TAF1: variants seen among roughly 807,000 people sequenced by gnomAD.
TAF1 encodes the protein transcription initiation factor TFIID subunit 1.
In TAF1, 2 loss-of-function variants were observed where a neutral mutation model predicts 138.5. That is an observed-to-expected ratio of 0.01 (90% CI 0.01 to 0.05). TAF1 has a LOEUF of 0.05. TAF1 is among the 10% of genes least tolerant of loss of function. The probability of loss-of-function intolerance (pLI) is 1.00; values close to 1 mark genes in which losing one functional copy is unlikely to be tolerated. For missense variants in TAF1, 709 were observed against 1,478.0 expected (o/e 0.48, Z 8.53); for synonymous variants, 437 against 503.2 (o/e 0.87, Z 1.76).
chrX:71,378,693 C>T (rs780273252), intron 7 of TAF1, 131 bp from the exon 8 acceptor site: 19 of 741,819 alleles, frequency 2.6e-5, no homozygotes, highest in South Asian at 2.1e-4. Flanking sequence ...AATATTCCTC[C>T]GTTATCAGGT....
At chrX:71,417,265 C>T (rs1314468971) in intron 28 of TAF1, among the ~76,000 whole-genome samples, 1 of 110,350 alleles carries the variant, frequency 9.1e-6, no homozygotes, top group East Asian at 2.8e-4. Flanking sequence ...TGAGCCACCT[C>T]GGGACTCTGC....
At chrX:71,387,637 A>G (rs1334420486) in intron 15 of TAF1, among the ~76,000 whole-genome samples, 176 bp downstream of exon 15, 2 of 111,670 alleles carry the variant, frequency 1.8e-5, no homozygotes, top group Non-Finnish European at 3.8e-5. Flanking sequence ...TGTCTCTACT[A>G]AAAATACAAA....
chrX:71,515,860 TA>T (rs773614311), intron 13 of TAF1, among the ~76,000 whole-genome samples: 24 of 111,279 alleles, frequency 2.2e-4, no homozygotes, highest in Admixed American at 2.9e-4. Context: ...TTTTAAGAAA[TA>T]AAGATTATCT....
At chrX:71,401,249 GT>G (rs1446485577) in intron 24 of TAF1, among the ~76,000 whole-genome samples, 1 of 111,380 alleles carries the variant, frequency 9.0e-6, no homozygotes, top group Non-Finnish European at 1.9e-5. Flanking sequence ...AGCTGACTTT[GT>G]TTTTCCCATC....
chrX:71,439,080 ACT>A (rs1044981705), intron 32 of TAF1, among the ~76,000 whole-genome samples: 2 of 111,400 alleles, frequency 1.8e-5, no homozygotes, highest in African/African-American at 6.5e-5. Context: ...TTTCCTGATG[ACT>A]CTATTGTAGA....
intron 13 of TAF1, among the ~76,000 whole-genome samples, chrX:71,472,768 G>A (rs1453053119): frequency 8.9e-6 from 1 of 111,854 alleles, no homozygotes; most frequent in African/African-American, 3.2e-5. Context: ...AGTTATCTAT[G>A]TAAAACACAG....
At chrX:71,406,213 C>T (rs928184506) in intron 25 of TAF1, among the ~76,000 whole-genome samples, 7 of 108,495 alleles carry the variant, frequency 6.5e-5, no homozygotes, top group Non-Finnish European at 1.3e-4. Flanking sequence ...TCTGTAATCC[C>T]AGCTACTTGG....
chrX:71,458,385 C>T lies in TAF1; in HGVS notation c.5064+19C>T. 1 of 1,206,651 alleles carries T rather than the reference C, an allele frequency of 8.3e-7. No homozygotes were observed. Among genetic ancestry groups the T allele is most frequent in the Non-Finnish European group, 1.1e-6 (1 of 893,029 alleles). The stretch of plus-strand genomic sequence containing the variant: ...AACACAGGTAGGATGTTCTTTTTCT[C>T]TTTATAAGATTGTTATTGTGCCTGC... On this transcript the variant is annotated intron_variant, in intron 35 of 37. Coordinates refer to ENST00000423759, the MANE Select transcript of TAF1 (RefSeq NM_004606.5).
intron 13 of TAF1, among the ~76,000 whole-genome samples, chrX:71,526,721 T>C (rs977613511): frequency 9.0e-6 from 1 of 110,881 alleles, no homozygotes; most frequent in Non-Finnish European, 1.9e-5. Context: ...ATCACATACG[T>C]ATGTCTCTTC....
chrX:71,526,583 A>G (rs1474247531), intron 13 of TAF1, among the ~76,000 whole-genome samples: 1 of 112,245 alleles, frequency 8.9e-6, no homozygotes, highest in Non-Finnish European at 1.9e-5. Flanking sequence ...ACGATGTTCT[A>G]AAAGATATGT....
chrX:71,464,911 AATTTTG>A lies in TAF1; in HGVS notation c.*867_*872del, dbSNP rs2038698547. On this transcript the variant is annotated 3_prime_UTR_variant, in exon 38 of 38. Coordinates refer to ENST00000423759, the MANE Select transcript of TAF1 (RefSeq NM_004606.5). ...AATGGATTGGAGGCAAATTACCGTA[AATTTTG>A]AAACAGCCTATATGTCAGAAATGAT... The A allele has an allele frequency of 9.0e-6, 1 of 111,270 alleles. No individual in the cohort carries two copies. Among genetic ancestry groups the A allele is most frequent in the Non-Finnish European group, 1.9e-5 (1 of 53,096 alleles). 9.2% of individuals were successfully genotyped at this position (111,270 alleles called of 1,213,427 possible).
intron 18 of TAF1, among the ~76,000 whole-genome samples, chrX:71,392,196 A>T (rs920295268): frequency 5.4e-5 from 6 of 112,059 alleles, no homozygotes; most frequent in Admixed American, 1.9e-4. Flanking sequence ...AAATGTAGTC[A>T]TTAGTCTAAT....
chrX:71,511,232 G>A (rs926065695), intron 13 of TAF1, among the ~76,000 whole-genome samples: 24 of 112,378 alleles, frequency 2.1e-4, no homozygotes, highest in Admixed American at 3.8e-4. Context: ...GATGATATCT[G>A]TAGTAGCCAT....
chrX:71,459,451 A>C, intron 35 of TAF1, 101 bp from the exon 36 acceptor site: 1 of 602,923 alleles, frequency 1.7e-6, no homozygotes, highest in South Asian at 4.1e-5. Flanking sequence ...CAGCAAGTGG[A>C]GGGATGGGCG....
At chrX:71,518,213 A>C (rs1362143753) in intron 13 of TAF1, among the ~76,000 whole-genome samples, 1 of 112,396 alleles carries the variant, frequency 8.9e-6, no homozygotes, top group Non-Finnish European at 1.9e-5. Context: ...TCTATTGCCC[A>C]GGCTGGAGTG....
At chrX:71,445,885 A>G (rs1462240729) in intron 32 of TAF1, among the ~76,000 whole-genome samples, 1 of 110,103 alleles carries the variant, frequency 9.1e-6, no homozygotes, top group Non-Finnish European at 1.9e-5. Flanking sequence ...AAGTATTTCC[A>G]TAATGCTGGC....
At chrX:71,369,569 C>G (rs1216127791) in intron 3 of TAF1, among the ~76,000 whole-genome samples, 3 of 108,419 alleles carry the variant, frequency 2.8e-5, no homozygotes, top group African/African-American at 1.0e-4. Context: ...TGTTTGAGCA[C>G]TTGTTATGTA....
chrX:71,390,418 A>C (rs1198972355), intron 18 of TAF1, among the ~76,000 whole-genome samples: 1 of 111,573 alleles, frequency 9.0e-6, no homozygotes, highest in African/African-American at 3.3e-5. Flanking sequence ...TCTCATCTAC[A>C]AGTTATTTTC....
intron 29 of TAF1, 69 bp downstream of exon 29, chrX:71,421,445 A>G: frequency 2.1e-6 from 2 of 964,195 alleles, no homozygotes; most frequent in East Asian, 3.1e-5. Flanking sequence ...GGGTTTAGGA[A>G]GTAGGGAATT....
Sources: gnomAD v4.1 joint callset for allele counts (sites outside exome capture counted in the v4.1 genomes callset) on GRCh38, gnomAD v4.1.1 for gene constraint, MANE v1.5 for transcripts, NCBI Gene and HGNC (gene_info 2026-07-23, HGNC 2026-07-21) for gene names.